Variants in CCDC192 observed in about 807,000 individuals in gnomAD.
CCDC192 encodes the protein coiled-coil domain containing 192.
At chr5:127,800,968 G>GC (rs1367009246) in intron 5 of CCDC192, among the ~76,000 whole-genome samples, 1 of 151,998 alleles carries the variant, frequency 6.6e-6, no homozygotes, top group Non-Finnish European at 1.5e-5. Context: ...TGAATTCAGA[G>GC]CCCCCCACAA....
At chr5:127,815,884 TAAAAG>T (rs1457993542) in intron 5 of CCDC192, among the ~76,000 whole-genome samples, 5 of 150,344 alleles carry the variant, frequency 3.3e-5, no homozygotes, top group African/African-American at 7.4e-5. Context: ...AAAATAAAAA[TAAAAG>T]AGAGAGATGT....
At position 127,788,558 on chromosome 5, in the gene CCDC192, T is replaced by C. The variant is rs1027954905; in HGVS notation, c.223-8545T>C. Among the ~76,000 whole-genome samples, 7 of 152,080 alleles carry C rather than the reference T, an allele frequency of 4.6e-5. 1 individual carries two copies. The highest frequency in any genetic ancestry group is 1.4e-4 in the African/African-American group (6 of 41,410). The stretch of plus-strand genomic sequence containing the variant: ...AAGAACATACTTCTGCCACATTGCT[T>C]TTCATTTTCTATATATTTTATGTCC... On this transcript the variant is annotated intron_variant, in intron 3 of 6. Coordinates refer to ENST00000514853, the MANE Select transcript of CCDC192 (RefSeq NM_001317938.2).
rs185848879 is a variant in CCDC192 at position 127,708,634 on chromosome 5, G to A, written c.114+874G>A. On this transcript the variant is annotated intron_variant, in intron 2 of 6. Transcript: ENST00000514853. ...ATTTGCCATCTCCAACCTTTGTGATGATAGCCAAGTCATTTAAACTCTCCG... is the reference window on the plus strand; with the variant it reads ...ATTTGCCATCTCCAACCTTTGTGATAATAGCCAAGTCATTTAAACTCTCCG... Among the ~76,000 whole-genome samples, 582 of 151,974 alleles carry A rather than the reference G, an allele frequency of 3.8e-3. 3 individuals are homozygous for A. The highest frequency in any genetic ancestry group is 0.013 in the African/African-American group (552 of 41,520).
chr5:127,800,376 G>GAAAAAAAAAAAAAAAAAAAAAAAAAAA (rs1168212422), intron 5 of CCDC192, among the ~76,000 whole-genome samples: 3 of 19,514 alleles, frequency 1.5e-4, no homozygotes, highest in Admixed American at 8.9e-4. Flanking sequence ...GAGGTATTCT[G>GAAAAAAAAAAAAAAAAAAAAAAAAAAA]AAAAAAAAAA....
At chr5:127,927,453 T>A (rs888128967) in intron 6 of CCDC192, among the ~76,000 whole-genome samples, 2 of 148,780 alleles carry the variant, frequency 1.3e-5, no homozygotes, top group African/African-American at 5.0e-5. Context: ...CGAGAATGAG[T>A]AGGGACTACT....
chr5:127,770,360 A>G (rs1051713154), intron 3 of CCDC192, among the ~76,000 whole-genome samples: 7 of 152,234 alleles, frequency 4.6e-5, no homozygotes, highest in African/African-American at 1.7e-4. Context: ...ATTTAGTACA[A>G]TCCCCCCAAA....
At chr5:127,835,811 C>A (rs910407864) in intron 5 of CCDC192, among the ~76,000 whole-genome samples, 3 of 152,090 alleles carry the variant, frequency 2.0e-5, no homozygotes, top group African/African-American at 7.2e-5. Flanking sequence ...ATCAAATCAC[C>A]TCCCACCAGG....
chr5:127,828,746 A>C (rs1749651260), intron 5 of CCDC192, among the ~76,000 whole-genome samples: 1 of 152,192 alleles, frequency 6.6e-6, no homozygotes. Flanking sequence ...AAGTGTCCAT[A>C]GGAATAGAGG....
At chr5:127,858,092 T>C (rs1281178381) in intron 5 of CCDC192, among the ~76,000 whole-genome samples, 2 of 152,198 alleles carry the variant, frequency 1.3e-5, no homozygotes, top group African/African-American at 4.8e-5. Context: ...AATGAGTTAA[T>C]ATATACGAAA....
At chr5:127,758,590 C>T (rs1291051715) in intron 3 of CCDC192, among the ~76,000 whole-genome samples, 1 of 152,116 alleles carries the variant, frequency 6.6e-6, no homozygotes, top group African/African-American at 2.4e-5. Flanking sequence ...AACCACTCAA[C>T]ATATTACCAA....
chr5:127,913,483 G>A lies in CCDC192; in HGVS notation c.536-27699G>A, dbSNP rs182323334. On this transcript the variant is annotated intron_variant, in intron 6 of 6. Coordinates refer to ENST00000514853, the MANE Select transcript of CCDC192 (RefSeq NM_001317938.2). Reference sequence around the variant, plus strand: ...AGTATCCTGGAAAAGGGATTTTTAGGTTCACTTCTACCTAGACCGCTGCTT... The same window carrying A: ...AGTATCCTGGAAAAGGGATTTTTAGATTCACTTCTACCTAGACCGCTGCTT... Among the ~76,000 whole-genome samples the A allele has an allele frequency of 3.8e-3, 582 of 152,312 alleles. 3 individuals carry two copies. The highest frequency in any genetic ancestry group is 6.4e-3 in the Non-Finnish European group (438 of 68,026).
chr5:127,745,923 A>G lies in CCDC192; in HGVS notation c.115-8345A>G, dbSNP rs569175045. Among the ~76,000 whole-genome samples, 27 of 152,332 alleles carry G rather than the reference A, an allele frequency of 1.8e-4. No individual in the cohort carries two copies. In the South Asian group the frequency reaches 5.2e-3, roughly 29 times the overall value. On this transcript the variant is annotated intron_variant, in intron 2 of 6. Transcript: ENST00000514853. ...CAAAACTGGGACAACAACTGAACAC[A>G]TCTAACTTTTTTAGTCTTTGAAACC...
intron 2 of CCDC192, among the ~76,000 whole-genome samples, chr5:127,749,247 G>T (rs1202640842): frequency 6.6e-6 from 1 of 152,026 alleles, no homozygotes; most frequent in Non-Finnish European, 1.5e-5. Context: ...TTGGCTGTGG[G>T]TTTGTCATAG....
intron 5 of CCDC192, among the ~76,000 whole-genome samples, chr5:127,819,848 C>A (rs570158390): frequency 1.7e-4 from 26 of 152,276 alleles, no homozygotes; most frequent in Non-Finnish European, 8.8e-5. Flanking sequence ...TAGACTCCTG[C>A]TCCTCTGCAC....
At chr5:127,821,930 T>C (rs1749312311) in intron 5 of CCDC192, among the ~76,000 whole-genome samples, 1 of 152,196 alleles carries the variant, frequency 6.6e-6, no homozygotes, top group South Asian at 2.1e-4. Flanking sequence ...TCACAAGCTC[T>C]ATTGGCTAAA....
chr5:127,708,878 G>A (rs773584768), intron 2 of CCDC192, among the ~76,000 whole-genome samples: 9 of 152,112 alleles, frequency 5.9e-5, no homozygotes, highest in Non-Finnish European at 8.8e-5. Context: ...CTACCAGTCC[G>A]TTGGAATCCC....
intron 3 of CCDC192, among the ~76,000 whole-genome samples, chr5:127,788,879 G>A (rs1756712851): frequency 6.6e-6 from 1 of 152,130 alleles, no homozygotes; most frequent in African/African-American, 2.4e-5. Context: ...TTTGGAAGGG[G>A]TACATTTAGG....
chr5:127,826,659 G>T lies in CCDC192; in HGVS notation c.411+28497G>T, dbSNP rs377335435. Among the ~76,000 whole-genome samples, 8 of 147,004 alleles carry T rather than the reference G, an allele frequency of 5.4e-5. No individual in the cohort carries two copies. In the East Asian group the frequency reaches 1.6e-3, roughly 29 times the overall value. ...GCTACTAGATGGGAGAGGGAGGGAG[G>T]GGGGCAAGGGCTGAAAAACTATTGG... On this transcript the variant is annotated intron_variant, in intron 5 of 6. Transcript: ENST00000514853.
intron 5 of CCDC192, among the ~76,000 whole-genome samples, chr5:127,824,784 ACT>A (rs1749446983): frequency 6.6e-6 from 1 of 152,098 alleles, no homozygotes; most frequent in Admixed American, 6.6e-5. Context: ...CCTGAGGGTC[ACT>A]CTGTCTTAGA....
Sources: allele counts gnomAD v4.1 joint callset (sites outside exome capture counted in the v4.1 genomes callset), GRCh38; gene constraint gnomAD v4.1.1; transcripts MANE v1.5; gene names NCBI Gene and HGNC (gene_info 2026-07-23, HGNC 2026-07-21).